Variants in LAMA4 observed in about 807,000 individuals in gnomAD.
The protein encoded by LAMA4 is laminin subunit alpha-4.
LAMA4 carries 127 observed loss-of-function variants against 207.1 expected under a neutral mutation model. That is an observed-to-expected ratio of 0.61 (90% CI 0.53 to 0.71). The LOEUF is 0.71. LAMA4 is among the 30% of genes least tolerant of loss of function. The probability of loss-of-function intolerance (pLI) is 0.00; values close to 1 mark genes in which losing one functional copy is unlikely to be tolerated. For synonymous variants in LAMA4, 761 were observed against 816.0 expected (o/e 0.93, Z 1.15); for missense variants, 2,093 against 2,246.5 (o/e 0.93, Z 1.38).
At chr6:112,143,131 T>C (rs2114712540) in intron 19 of LAMA4, among the ~76,000 whole-genome samples, 1 of 152,294 alleles carries the variant, frequency 6.6e-6, no homozygotes, top group South Asian at 2.1e-4. Context: ...TATACTTATG[T>C]CATTTATCTG....
chr6:112,175,207 G>A, intron 11 of LAMA4, 106 bp downstream of exon 11: 1 of 1,083,668 alleles, frequency 9.2e-7, no homozygotes, highest in Non-Finnish European at 1.4e-6. Context: ...CTGAACACTG[G>A]AAATTGGTTG....
rs1313940872 is a variant in LAMA4, at chr6:112,153,784, C to T, written c.2056+1067G>A. ...ATAGAGTATGTTCAGGATAGACTTACATAATAAATTAATTAGACATATAAT... is the reference window on the plus strand; with the variant it reads ...ATAGAGTATGTTCAGGATAGACTTATATAATAAATTAATTAGACATATAAT... On this transcript the variant is annotated intron_variant, in intron 16 of 38. Coordinates refer to ENST00000230538, the MANE Select transcript of LAMA4 (RefSeq NM_001105206.3). Among the ~76,000 whole-genome samples the T allele has an allele frequency of 3.3e-5, 5 of 152,166 alleles. No individual in the cohort carries two copies. In the East Asian group the frequency reaches 7.7e-4, roughly 23 times the overall value.
At position 112,133,498 on chromosome 6, in the gene LAMA4, A is replaced by G. The variant is rs1554330611; in HGVS notation, c.3558-11T>C. ...TGTGCTCTGAGGGCCCTGGAAAAGAAAGTCAGCCTCACTGATACAGCCATG... is the reference window on the plus strand; with the variant it reads ...TGTGCTCTGAGGGCCCTGGAAAAGAGAGTCAGCCTCACTGATACAGCCATG... On this transcript the variant is annotated splice_polypyrimidine_tract_variant and intron_variant, in intron 26 of 38. Coordinates refer to ENST00000230538, the MANE Select transcript of LAMA4 (RefSeq NM_001105206.3). 6.2e-7 allele frequency: 1 copy of G among 1,613,494 alleles called. No individual in the cohort carries two copies. Among genetic ancestry groups the G allele is most frequent in the African/African-American group, 1.3e-5 (1 of 74,976 alleles).
chr6:112,144,648 G>A, intron 19 of LAMA4, 146 bp downstream of exon 19: 1 of 949,922 alleles, frequency 1.1e-6, no homozygotes, highest in Non-Finnish European at 1.7e-6. Context: ...TTCCTCACGT[G>A]TTTCTAATTA....
chr6:112,185,449 G>A, intron 8 of LAMA4, 102 bp from the exon 9 acceptor site: 1 of 761,964 alleles, frequency 1.3e-6, no homozygotes, highest in Non-Finnish European at 2.3e-6. Context: ...TAGAGTGTGA[G>A]GCTCTTTTCT....
At position 112,150,516 on chromosome 6, in the gene LAMA4, T is replaced by C. The variant is rs573947632; in HGVS notation, c.2168A>G (p.Glu723Gly). 3.8e-6 allele frequency: 6 copies of C among 1,599,924 alleles called. No homozygotes were observed. The highest frequency in any genetic ancestry group is 1.1e-5 in the South Asian group (1 of 90,828). ...SDAVKQLQAA[E>G]RGDAQQRLGQ... ...CAATTCTCTCTGATGCTTACCTCTCTCTGCTGCTTGTAGTTGCTTAACGGC... is the reference window on the plus strand; with the variant it reads ...CAATTCTCTCTGATGCTTACCTCTCCCTGCTGCTTGTAGTTGCTTAACGGC... The change falls in exon 17 of 39, where the codon GAG becomes GGG. Residue 723 changes from glutamate to glycine, a missense_variant. Coordinates refer to ENST00000230538, the MANE Select transcript of LAMA4 (RefSeq NM_001105206.3).
chr6:112,193,768 T>G (rs1252538684), intron 5 of LAMA4, among the ~76,000 whole-genome samples: 1 of 152,164 alleles, frequency 6.6e-6, no homozygotes, highest in East Asian at 1.9e-4. Context: ...GGTCCAAACC[T>G]TCTGACCCTG....
intron 2 of LAMA4, among the ~76,000 whole-genome samples, chr6:112,222,377 AAC>A (rs1784971476): frequency 6.6e-6 from 1 of 152,222 alleles, no homozygotes; most frequent in Non-Finnish European, 1.5e-5. Flanking sequence ...CCAAAAACCA[AAC>A]ACAGACTATG....
At chr6:112,247,155 T>C (rs1202634143) in intron 2 of LAMA4, among the ~76,000 whole-genome samples, 1 of 152,128 alleles carries the variant, frequency 6.6e-6, no homozygotes, top group Non-Finnish European at 1.5e-5. Context: ...AGGGCTAACT[T>C]TGTGTTGGGC....
At chr6:112,231,925 C>G (rs1321121398) in intron 2 of LAMA4, among the ~76,000 whole-genome samples, 4 of 152,196 alleles carry the variant, frequency 2.6e-5, no homozygotes, top group Non-Finnish European at 5.9e-5. Context: ...AACTCCCACT[C>G]TGTCATGTGT....
At chr6:112,128,205 T>G (rs565203145) in intron 31 of LAMA4, among the ~76,000 whole-genome samples, 3 of 152,190 alleles carry the variant, frequency 2.0e-5, no homozygotes, top group Non-Finnish European at 2.9e-5. Context: ...TTTCAACCAT[T>G]GTAAAGGAAA....
At chr6:112,186,536 C>T (rs1782693958) in intron 8 of LAMA4, among the ~76,000 whole-genome samples, 1 of 152,178 alleles carries the variant, frequency 6.6e-6, no homozygotes, top group African/African-American at 2.4e-5. Context: ...ATATAGTCAT[C>T]CCTTGGTAGT....
In LAMA4 at chr6:112,117,728, A is replaced by T; in HGVS notation, c.4981+11T>A. ...TTTCATGACTCATATTTTTAACATG[A>T]CTAATGTTACCTAGAACCACGTATC... is the stretch of plus-strand genomic sequence containing the variant. On this transcript the variant is annotated intron_variant, in intron 35 of 38. Transcript: ENST00000230538. The surrounding 1 kb of genome is among the most constrained non-coding windows in gnomAD (Gnocchi z 4.5). 1.2e-6 allele frequency: 2 copies of T among 1,611,638 alleles called. No individual in the cohort carries two copies. The highest frequency in any genetic ancestry group is 1.7e-6 in the Non-Finnish European group (2 of 1,178,106).
At chr6:112,183,176 T>C (rs1554345699) in intron 9 of LAMA4, among the ~76,000 whole-genome samples, 1 of 152,246 alleles carries the variant, frequency 6.6e-6, no homozygotes, top group Non-Finnish European at 1.5e-5. Context: ...CTTTACTCTA[T>C]TTAAAGCCAA....
At chr6:112,184,696 C>G (rs1189539847) in intron 9 of LAMA4, among the ~76,000 whole-genome samples, 1 of 151,966 alleles carries the variant, frequency 6.6e-6, no homozygotes, top group Non-Finnish European at 1.5e-5. Context: ...GTTCTATTTT[C>G]TTGTGGATTT....
At chr6:112,176,355 C>T (rs149923126) in intron 10 of LAMA4, among the ~76,000 whole-genome samples, 87 of 152,324 alleles carry the variant, frequency 5.7e-4, no homozygotes, top group Middle Eastern at 3.4e-3. Flanking sequence ...TTTTATCTTG[C>T]TGGCATAAAT....
At position 112,253,969 on chromosome 6, in the gene LAMA4, G is replaced by A; in HGVS notation, c.182C>T (p.Pro61Leu). 2 of 1,590,530 alleles carry A rather than the reference G, an allele frequency of 1.3e-6. No homozygotes were observed. Among genetic ancestry groups the A allele is most frequent in the South Asian group, 1.1e-5 (1 of 88,808 alleles). The change falls in exon 2 of 39, where the codon CCG becomes CTG. Residue 61 changes from proline (P) to leucine (L), a missense_variant. Physicochemically the swap from Pro to Leu is moderately conservative, Grantham distance 98. Coordinates refer to ENST00000230538, the MANE Select transcript of LAMA4 (RefSeq NM_001105206.3). ...GGGACACTGTACCTCGGCCGCAGGC[G>A]GCAGGCGTCCCAGAGCCACGCGGGG... ...SEPRVALGRL[P>L]PAAEKCNAGF... is the part of the protein sequence containing the mutation.
intron 17 of LAMA4, among the ~76,000 whole-genome samples, chr6:112,150,202 G>GACACACACACACACACAC (rs68144829): frequency 3.5e-5 from 5 of 143,334 alleles, no homozygotes; most frequent in East Asian, 2.1e-4. Context: ...CCCATTAAAA[G>GACACACACACACACACAC]ACACACACAC....
chr6:112,206,953 A>AAACAAAACG (rs1784090798), intron 4 of LAMA4, 68 bp downstream of exon 4: 2 of 1,591,914 alleles, frequency 1.3e-6, no homozygotes, highest in African/African-American at 2.7e-5. Context: ...AAGGCAAAAC[A>AAACAAAACG]AAACAAAACA....
Sources: gnomAD v4.1 joint callset for allele counts (sites outside exome capture counted in the v4.1 genomes callset) on GRCh38, gnomAD v4.1.1 for gene constraint, Gnocchi (gnomAD v3.1) non-coding constraint, MANE v1.5 for transcripts, NCBI Gene and HGNC (gene_info 2026-07-23, HGNC 2026-07-21) for gene names.